TRA2B: variants seen among roughly 807,000 people sequenced by gnomAD.
The protein encoded by TRA2B is transformer-2 protein homolog beta.
A neutral mutation model predicts 41.7 loss-of-function variants in TRA2B; 14 were observed. The observed-to-expected ratio is 0.34, with a 90% CI of 0.22 to 0.53. The LOEUF is 0.53. TRA2B is among the 20% of genes least tolerant of loss of function. The pLI is 0.95. For synonymous variants in TRA2B, 130 were observed against 128.8 expected, an observed-to-expected ratio of 1.01 and a Z score of -0.06; for missense variants, 167 against 396.8, an observed-to-expected ratio of 0.42 and a Z score of 4.92.
At chr3:185,934,792 G>A in intron 1 of TRA2B, 1 of 985,408 alleles carries the variant, frequency 1.0e-6, no homozygotes, top group Non-Finnish European at 1.2e-6. Context: ...GCAGTTTGAT[G>A]GGTTGGTGTC....
chr3:185,935,538 G>A (rs1214917607), intron 1 of TRA2B: 83 of 985,308 alleles, frequency 8.4e-5, no homozygotes, highest in Non-Finnish European at 1.0e-4. Flanking sequence ...GGCACAGAGG[G>A]GTGGGGTTGT....
intron 1 of TRA2B, among the ~76,000 whole-genome samples, chr3:185,934,137 G>C (rs1470918029): frequency 1.3e-5 from 2 of 151,744 alleles, no homozygotes; most frequent in Admixed American, 6.6e-5. Context: ...TACTAACCTG[G>C]GTCAAAACAC....
intron 1 of TRA2B, chr3:185,936,088 C>T: frequency 3.0e-6 from 3 of 985,376 alleles, no homozygotes; most frequent in Non-Finnish European, 3.6e-6. Flanking sequence ...CTAATGAACT[C>T]TGGGCAATTT....
intron 7 of TRA2B, among the ~76,000 whole-genome samples, chr3:185,918,964 ACT>A (rs563211913): frequency 2.4e-4 from 36 of 152,280 alleles, no homozygotes; most frequent in Middle Eastern, 3.4e-3. Context: ...ACAGAGCAAC[ACT>A]CTGTCTCCAA....
Position 185,915,935 on chromosome 3 carries a change from C to T in TRA2B, c.*1780G>A, listed in dbSNP as rs1206576141. On this transcript the variant is annotated 3_prime_UTR_variant, in exon 9 of 9. Transcript: ENST00000453386. ...GTTTCTCAGCCTTTAATGTATCCAT[C>T]CATAACACAACCCCCTCTGGGACCA... 4 of 152,138 alleles carry T rather than the reference C, an allele frequency of 2.6e-5. No individual in the cohort carries two copies. The highest frequency in any genetic ancestry group is 9.7e-5 in the African/African-American group (4 of 41,420). 9.4% of individuals were successfully genotyped at this position (152,138 alleles called of 1,614,324 possible).
chr3:185,928,932 T>TAC (rs1328936904), intron 1 of TRA2B: 1 of 152,230 alleles, frequency 6.6e-6, no homozygotes, highest in Non-Finnish European at 1.5e-5. Flanking sequence ...GAAGAGACAG[T>TAC]ACTCCTAACC....
chr3:185,936,641 G>A (rs1744366463), intron 1 of TRA2B: 1 of 984,458 alleles, frequency 1.0e-6, no homozygotes, highest in Admixed American at 6.2e-5. Context: ...TCTTAAGGTA[G>A]CTTTACCAAC....
At chr3:185,935,392 C>G (rs888120860) in intron 1 of TRA2B, 2 of 985,356 alleles carry the variant, frequency 2.0e-6, no homozygotes, top group African/African-American at 3.5e-5. Context: ...GAGGGACACA[C>G]CAGTTCTTTA....
intron 1 of TRA2B, chr3:185,934,698 TAG>T (rs1295947615): frequency 1.6e-5 from 16 of 985,192 alleles, no homozygotes; most frequent in Non-Finnish European, 1.9e-5. Flanking sequence ...AATTAGAATT[TAG>T]AGTTTAGGAG....
intron 1 of TRA2B, chr3:185,936,312 C>A: frequency 1.0e-6 from 1 of 985,376 alleles, no homozygotes; most frequent in Non-Finnish European, 1.2e-6. Context: ...TTTTTAACAA[C>A]TTTTGAGCTC....
At chr3:185,935,634 G>C (rs1357085889) in intron 1 of TRA2B, 2 of 985,370 alleles carry the variant, frequency 2.0e-6, no homozygotes, top group Non-Finnish European at 2.4e-6. Context: ...CAGAAGCCTG[G>C]AGTTGAATAA....
At chr3:185,929,705 C>A (rs1165711709) in intron 1 of TRA2B, among the ~76,000 whole-genome samples, 3 of 152,150 alleles carry the variant, frequency 2.0e-5, no homozygotes, top group Non-Finnish European at 4.4e-5. Flanking sequence ...GACTAACCAT[C>A]CAATCCCTGT....
At chr3:185,936,053 T>G (rs1744339765) in intron 1 of TRA2B, 2 of 985,434 alleles carry the variant, frequency 2.0e-6, no homozygotes, top group African/African-American at 3.5e-5. Context: ...TAGTTTCAAT[T>G]GTTTCCCTTC....
At chr3:185,933,796 C>T (rs1187287187) in intron 1 of TRA2B, among the ~76,000 whole-genome samples, 1 of 145,478 alleles carries the variant, frequency 6.9e-6, no homozygotes, top group African/African-American at 2.4e-5. Flanking sequence ...GTAAATATAG[C>T]ACAGACTGTT....
rs751180444 is a variant in TRA2B at position 185,921,115 on chromosome 3, G to A, written c.711C>T (p.Ser237=). Residue 237 remains serine (S), a synonymous_variant, in exon 6 of 9, where the codon AGC becomes AGT. Transcript: ENST00000453386. ...DRGYDDRDYY[S]RSYRGGGGGG... is the part of the protein sequence containing the mutation. ...ACCTCATAACTTACCTGTATGATCT[G>A]CTATAGTAGTCCCGATCATCATAGC... 1.2e-5 allele frequency: 20 copies of A among 1,613,926 alleles called. 1 individual carries two copies. In the South Asian group the frequency reaches 2.1e-4, roughly 17 times the overall value.
Position 185,915,474 on chromosome 3 carries a change from G to T in TRA2B, c.*2241C>A, listed in dbSNP as rs186678596. 2.1e-3 allele frequency among the ~76,000 whole-genome samples: 316 copies of T among 152,104 alleles called. No homozygotes were observed. Among genetic ancestry groups the T allele is most frequent in the African/African-American group, 7.1e-3 (296 of 41,498 alleles). ...CAGCAGTTACCTAGGGGTTACCTAC[G>T]GGTAACTGCTGCCTCCCTTTCATGA... On this transcript the variant is annotated 3_prime_UTR_variant, in exon 9 of 9. Transcript: ENST00000453386.
In TRA2B at chr3:185,923,778, G is replaced by C. The variant is rs774989198; in HGVS notation, c.522+18C>G. ...ACAATAGAACTGATGGTTTACAAAG[G>C]AACGGGCTTTTACTTACTTCCTTGG... On this transcript the variant is annotated intron_variant, in intron 4 of 8. Coordinates refer to ENST00000453386, the MANE Select transcript of TRA2B (RefSeq NM_004593.3). 6.3e-7 allele frequency: 1 copy of C among 1,593,054 alleles called. No homozygotes were observed. The highest frequency in any genetic ancestry group is 2.2e-5 in the East Asian group (1 of 44,592).
intron 6 of TRA2B, among the ~76,000 whole-genome samples, chr3:185,919,710 C>A (rs187734710): frequency 1.3e-3 from 195 of 151,624 alleles, no homozygotes; most frequent in Admixed American, 3.0e-3. Flanking sequence ...TAAGTAAATG[C>A]TCTTAAAAAA....
At chr3:185,930,743 G>A (rs1005550304) in intron 1 of TRA2B, among the ~76,000 whole-genome samples, 7 of 152,146 alleles carry the variant, frequency 4.6e-5, no homozygotes, top group Non-Finnish European at 1.5e-5. Context: ...ATAAGTGCAA[G>A]GGATACCAGG....
Sources: gnomAD v4.1 joint callset for allele counts (sites outside exome capture counted in the v4.1 genomes callset) on GRCh38, gnomAD v4.1.1 for gene constraint, MANE v1.5 for transcripts, NCBI Gene and HGNC (gene_info 2026-07-23, HGNC 2026-07-21) for gene names.